The following NELL2 variants were observed in gnomAD, a reference collection of about 807,000 sequenced individuals.
NELL2 encodes neural EGFL like 2, also known as protein kinase C-binding protein NELL2.
Under a neutral mutation model 109.6 loss-of-function variants are expected in NELL2, and 41 were observed. That is an observed-to-expected ratio of 0.37 (90% CI 0.29 to 0.49). NELL2 has a LOEUF of 0.49. Among genes scored for constraint, NELL2 ranks in the 20% least tolerant of loss-of-function variants. The pLI is 0.98. For synonymous variants in NELL2, 355 were observed against 344.7 expected (o/e 1.03, Z -0.33); for missense variants, 900 against 1,008.3 (o/e 0.89, Z 1.45).
At chr12:44,739,078 T>C (rs922852784) in intron 9 of NELL2, among the ~76,000 whole-genome samples, 3 of 152,204 alleles carry the variant, frequency 2.0e-5, no homozygotes, top group African/African-American at 7.2e-5. Context: ...TCCATATTCA[T>C]CCTTCTGATC....
intron 12 of NELL2, among the ~76,000 whole-genome samples, chr12:44,681,091 G>T (rs147441679): frequency 6.6e-6 from 1 of 150,762 alleles, no homozygotes; most frequent in Admixed American, 6.6e-5. Context: ...TCTTTTAGAT[G>T]AGATAAGAAA....
intron 1 of NELL2, among the ~76,000 whole-genome samples, chr12:44,908,250 G>A (rs1035979065): frequency 6.6e-6 from 1 of 151,930 alleles, no homozygotes; most frequent in Non-Finnish European, 1.5e-5. Context: ...TAGAAGAGTT[G>A]TATTTAACCA....
chr12:44,883,094 C>A (rs1419748320), intron 1 of NELL2, among the ~76,000 whole-genome samples: 8 of 151,170 alleles, frequency 5.3e-5, no homozygotes, highest in African/African-American at 2.0e-4. Flanking sequence ...AGTGATCAAC[C>A]TGCCTTGGTC....
At chr12:44,662,733 T>C (rs1947788694) in intron 13 of NELL2, among the ~76,000 whole-genome samples, 2 of 152,232 alleles carry the variant, frequency 1.3e-5, no homozygotes, top group East Asian at 1.9e-4. Flanking sequence ...GTAATGTGTA[T>C]TGCTCTTGGA....
At chr12:44,820,391 G>A (rs1943500287) in intron 2 of NELL2, among the ~76,000 whole-genome samples, 1 of 152,062 alleles carries the variant, frequency 6.6e-6, no homozygotes. Context: ...GACAGATCAC[G>A]AGGTCAGGAG....
At chr12:44,740,631 A>C (rs1939904306) in intron 9 of NELL2, among the ~76,000 whole-genome samples, 1 of 152,142 alleles carries the variant, frequency 6.6e-6, no homozygotes, top group African/African-American at 2.4e-5. Flanking sequence ...CTATAAGGTT[A>C]AAAAGTATAA....
At chr12:44,643,146 G>A (rs1946923194) in intron 13 of NELL2, among the ~76,000 whole-genome samples, 1 of 152,046 alleles carries the variant, frequency 6.6e-6, no homozygotes, top group South Asian at 2.1e-4. Context: ...GCACAATTGA[G>A]GCCTAATAAC....
intron 19 of NELL2, among the ~76,000 whole-genome samples, chr12:44,515,092 T>C (rs1941200130): frequency 6.6e-6 from 1 of 151,694 alleles, no homozygotes; most frequent in African/African-American, 2.4e-5. Flanking sequence ...AAAATATAGA[T>C]AGGACAAATA....
rs1228353368 is a variant in NELL2, at chr12:44,665,508, T to C, written c.1420A>G (p.Arg474Gly). Residue 474 changes from arginine to glycine, a missense_variant, in exon 13 of 20, where the codon AGA becomes GGA. Physicochemically the swap from Arg to Gly is moderately radical, Grantham distance 125. Transcript: ENST00000429094. ...FMCICKTGYI[R>G]IDDYSCTEHD... ...CCTGTACATGAATAATCATCAATTC[T>C]GATGTATCCAGTTTTGCAGATGCAC... 4.3e-6 allele frequency: 7 copies of C among 1,613,296 alleles called. No homozygotes were observed. Among genetic ancestry groups the C allele is most frequent in the Non-Finnish European group, 5.9e-6 (7 of 1,179,334 alleles).
intron 15 of NELL2, among the ~76,000 whole-genome samples, chr12:44,553,709 C>T (rs1388541953): frequency 1.3e-5 from 2 of 152,008 alleles, no homozygotes; most frequent in Admixed American, 1.3e-4. Flanking sequence ...ATATGCACAA[C>T]TATTATATAT....
At chr12:44,673,461 G>A (rs572730456) in intron 12 of NELL2, among the ~76,000 whole-genome samples, 42 of 152,304 alleles carry the variant, frequency 2.8e-4, no homozygotes, top group African/African-American at 9.1e-4. Flanking sequence ...GAACCACAGC[G>A]ACAAGTGGAT....
At chr12:44,885,110 C>A (rs867168293) in intron 1 of NELL2, among the ~76,000 whole-genome samples, 24 of 151,768 alleles carry the variant, frequency 1.6e-4, no homozygotes, top group Admixed American at 4.6e-4. Flanking sequence ...GAAACCCTGT[C>A]TCTAATAAAA....
chr12:44,835,226 C>G (rs1944016356), intron 2 of NELL2, among the ~76,000 whole-genome samples: 1 of 152,150 alleles, frequency 6.6e-6, no homozygotes. Flanking sequence ...CTGTGTGGTA[C>G]TGATTATGTA....
At chr12:44,765,651 C>T (rs75880832) in intron 9 of NELL2, among the ~76,000 whole-genome samples, 1 of 152,308 alleles carries the variant, frequency 6.6e-6, no homozygotes, top group East Asian at 1.9e-4. Flanking sequence ...ATGTTACCAG[C>T]TTAACATTCC....
chr12:44,813,155 G>A (rs1213767210), intron 3 of NELL2, among the ~76,000 whole-genome samples: 2 of 152,154 alleles, frequency 1.3e-5, no homozygotes, highest in Non-Finnish European at 2.9e-5. Flanking sequence ...GCAGAGCTAT[G>A]ACTGGAATAT....
At chr12:44,864,142 G>A (rs1407028024) in intron 2 of NELL2, among the ~76,000 whole-genome samples, 1 of 151,998 alleles carries the variant, frequency 6.6e-6, no homozygotes, top group Non-Finnish European at 1.5e-5. Context: ...CAACAAGAGA[G>A]GAAGAAAGGA....
intron 9 of NELL2, among the ~76,000 whole-genome samples, chr12:44,728,497 T>C (rs1188836788): frequency 1.3e-5 from 2 of 151,882 alleles, no homozygotes; most frequent in African/African-American, 4.8e-5. Flanking sequence ...TGGGATAACA[T>C]CAAGTGAACC....
intron 13 of NELL2, among the ~76,000 whole-genome samples, chr12:44,623,235 G>T (rs1032240256): frequency 4.0e-5 from 6 of 151,854 alleles, no homozygotes; most frequent in African/African-American, 1.5e-4. Flanking sequence ...CATATATGTG[G>T]GTACGTGTGT....
chr12:44,744,452 G>C (rs1185707759), intron 9 of NELL2, among the ~76,000 whole-genome samples: 3 of 152,150 alleles, frequency 2.0e-5, no homozygotes, highest in Non-Finnish European at 4.4e-5. Context: ...ACTAATATCA[G>C]AGCAGAACTG....
Sources: gnomAD v4.1 joint callset for allele counts (sites outside exome capture counted in the v4.1 genomes callset) on GRCh38, gnomAD v4.1.1 for gene constraint, MANE v1.5 for transcripts, NCBI Gene and HGNC (gene_info 2026-07-23, HGNC 2026-07-21) for gene names.